RNF111: variants seen among roughly 807,000 people sequenced by gnomAD.
RNF111 encodes the protein E3 ubiquitin-protein ligase Arkadia.
A neutral mutation model predicts 95.1 loss-of-function variants in RNF111; 17 were observed. That is an observed-to-expected ratio of 0.18 (90% CI 0.12 to 0.27). The LOEUF is 0.27. RNF111 is among the 10% of genes least tolerant of loss of function. RNF111 has a pLI of 1.00. For missense variants in RNF111, 1,189 were observed against 1,210.4 expected, an observed-to-expected ratio of 0.98 and a Z score of 0.26; for synonymous variants, 440 against 414.8, an observed-to-expected ratio of 1.06 and a Z score of -0.74.
chr15:59,057,716 C>T (rs1430181075), intron 4 of RNF111, among the ~76,000 whole-genome samples: 1 of 151,988 alleles, frequency 6.6e-6, no homozygotes, highest in African/African-American at 2.4e-5. Context: ...TATAAAAAGG[C>T]ATGGAAAGGA....
At chr15:59,004,814 C>T (rs2141475448) in intron 1 of RNF111, among the ~76,000 whole-genome samples, 1 of 152,220 alleles carries the variant, frequency 6.6e-6, no homozygotes, top group Admixed American at 6.5e-5. Context: ...TGTTAAATAT[C>T]AGAGAAAGAG....
At chr15:59,035,204 A>G (rs1025504494) in intron 2 of RNF111, among the ~76,000 whole-genome samples, 2 of 152,190 alleles carry the variant, frequency 1.3e-5, no homozygotes, top group Admixed American at 1.3e-4. Flanking sequence ...GGCCCTGTCC[A>G]TGACACGTGG....
intron 1 of RNF111, among the ~76,000 whole-genome samples, chr15:59,010,370 T>C (rs527854000): frequency 1.3e-5 from 2 of 152,318 alleles, no homozygotes; most frequent in African/African-American, 4.8e-5. Flanking sequence ...AGATGACAGA[T>C]GGATTCCACA....
chr15:59,067,525 C>T (rs8042516), intron 6 of RNF111, among the ~76,000 whole-genome samples: 43,418 of 151,962 alleles, frequency 0.29, 6,325 homozygotes, highest in East Asian at 0.46. Context: ...CATTCTTACA[C>T]TCGAAAATGG....
At chr15:59,060,157 A>G (rs1376253182) in intron 5 of RNF111, among the ~76,000 whole-genome samples, 1 of 152,166 alleles carries the variant, frequency 6.6e-6, no homozygotes, top group Non-Finnish European at 1.5e-5. Flanking sequence ...ACAGGTGTGA[A>G]CCACTGTACC....
intron 5 of RNF111, among the ~76,000 whole-genome samples, chr15:59,059,243 G>A (rs2042331788): frequency 6.6e-6 from 1 of 152,166 alleles, no homozygotes; most frequent in African/African-American, 2.4e-5. Context: ...AAATGACCAA[G>A]AAGCACAAGA....
At chr15:59,090,791 C>T (rs967674823) in intron 11 of RNF111, among the ~76,000 whole-genome samples, 1 of 152,134 alleles carries the variant, frequency 6.6e-6, no homozygotes, top group Admixed American at 6.6e-5. Flanking sequence ...GGCATGGTGG[C>T]TCACACCTGT....
At chr15:59,051,429 G>A (rs1489543590) in intron 2 of RNF111, among the ~76,000 whole-genome samples, 1 of 140,590 alleles carries the variant, frequency 7.1e-6, no homozygotes, top group Non-Finnish European at 1.5e-5. Flanking sequence ...CTGCACTCCA[G>A]ACTGGGCGAT....
At chr15:59,013,129 T>G (rs1459120324) in intron 1 of RNF111, among the ~76,000 whole-genome samples, 1 of 152,198 alleles carries the variant, frequency 6.6e-6, no homozygotes, top group Non-Finnish European at 1.5e-5. Context: ...GTCACTCATT[T>G]CTCTCCTGCC....
chr15:59,068,509 G>C (rs948568565), intron 6 of RNF111, among the ~76,000 whole-genome samples: 1 of 152,124 alleles, frequency 6.6e-6, no homozygotes, highest in Non-Finnish European at 1.5e-5. Flanking sequence ...GGGAGGCTGA[G>C]GCAGGATAAT....
intron 2 of RNF111, among the ~76,000 whole-genome samples, chr15:59,032,594 G>C (rs1264891504): frequency 3.3e-5 from 5 of 152,074 alleles, no homozygotes; most frequent in Non-Finnish European, 7.4e-5. Context: ...GCTTATTTTT[G>C]TATTTTTTGT....
At position 59,081,191 on chromosome 15, in the gene RNF111, T is replaced by C. The variant is rs1311295110; in HGVS notation, c.2204T>C (p.Ile735Thr). The C allele has an allele frequency of 6.2e-7, 1 of 1,614,156 alleles. No individual in the cohort carries two copies. The highest frequency in any genetic ancestry group is 1.1e-5 in the South Asian group (1 of 91,074). Reference protein sequence around the residue: ...PPTHQPISHHIPATAPPAQRL... With the variant: ...PPTHQPISHHTPATAPPAQRL... Reference sequence around the variant, plus strand: ...ACACACCAGCCAATTTCGCACCATATTCCAGCCACAGCACCTCCAGCACAG... The same window carrying C: ...ACACACCAGCCAATTTCGCACCATACTCCAGCCACAGCACCTCCAGCACAG... The change falls in exon 8 of 14, where the codon ATT becomes ACT. Residue 735 changes from isoleucine (I) to threonine (T), a missense_variant. Physicochemically the swap from Ile to Thr is moderately conservative, Grantham distance 89. This residue lies in a region of RNF111 where 1,024 missense variants were observed against 925.9 expected (regional missense o/e 1.11). Transcript: ENST00000348370.
intron 5 of RNF111, among the ~76,000 whole-genome samples, chr15:59,065,177 G>C (rs1013604709): frequency 2.0e-5 from 3 of 151,976 alleles, no homozygotes; most frequent in Admixed American, 6.6e-5. Context: ...CAGAGTAGGG[G>C]GTTAAGGATG....
At chr15:59,052,122 T>C (rs2042014201) in intron 2 of RNF111, among the ~76,000 whole-genome samples, 183 bp from the exon 3 acceptor site, 1 of 152,130 alleles carries the variant, frequency 6.6e-6, no homozygotes, top group Non-Finnish European at 1.5e-5. Flanking sequence ...ATTAAAACAG[T>C]GATTACCATT....
chr15:58,996,140 G>GA (rs1181663434), intron 1 of RNF111, among the ~76,000 whole-genome samples: 1 of 151,908 alleles, frequency 6.6e-6, no homozygotes, highest in Admixed American at 6.5e-5. Flanking sequence ...TATGAAATGA[G>GA]AAAAAATTGT....
At chr15:59,039,082 T>G (rs1175725760) in intron 2 of RNF111, among the ~76,000 whole-genome samples, 1 of 152,044 alleles carries the variant, frequency 6.6e-6, no homozygotes. Flanking sequence ...CTCCTGCCTC[T>G]GCCTCCCGAG....
At chr15:59,032,183 C>T (rs1438562841) in intron 2 of RNF111, among the ~76,000 whole-genome samples, 1 of 152,138 alleles carries the variant, frequency 6.6e-6, no homozygotes, top group Non-Finnish European at 1.5e-5. Flanking sequence ...AAATTATCTG[C>T]CCACCTCAGC....
intron 1 of RNF111, among the ~76,000 whole-genome samples, chr15:59,025,445 G>A (rs1178413195): frequency 6.6e-6 from 1 of 152,168 alleles, no homozygotes; most frequent in Admixed American, 6.6e-5. Context: ...ATGTAACAAA[G>A]CATATTGTCT....
intron 1 of RNF111, among the ~76,000 whole-genome samples, chr15:59,003,381 A>G (rs2039408061): frequency 6.6e-6 from 1 of 151,690 alleles, no homozygotes; most frequent in Non-Finnish European, 1.5e-5. Flanking sequence ...ATGGGATTAC[A>G]GGTGTGAGCC....
Sources: allele counts gnomAD v4.1 joint callset (sites outside exome capture counted in the v4.1 genomes callset), GRCh38; gene constraint gnomAD v4.1.1; regional missense constraint gnomAD v4.1.1; transcripts MANE v1.5; gene names NCBI Gene and HGNC (gene_info 2026-07-23, HGNC 2026-07-21).